ABCC4: variants seen among roughly 807,000 people sequenced by gnomAD.
ABCC4 encodes ATP binding cassette subfamily C member 4 (PEL blood group).
A neutral mutation model predicts 168.5 loss-of-function variants in ABCC4; 102 were observed. The observed-to-expected ratio is 0.61, with a 90% CI of 0.52 to 0.71. ABCC4 has a LOEUF of 0.71. Among genes scored for constraint, ABCC4 ranks in the 30% least tolerant of loss-of-function variants. The pLI is 0.00. For synonymous variants in ABCC4, 617 were observed against 590.7 expected, an observed-to-expected ratio of 1.04 and a Z score of -0.65; for missense variants, 1,402 against 1,605.8, an observed-to-expected ratio of 0.87 and a Z score of 2.17.
chr13:95,133,675 T>A (rs939944644), intron 19 of ABCC4, among the ~76,000 whole-genome samples: 2 of 151,842 alleles, frequency 1.3e-5, no homozygotes, highest in East Asian at 1.9e-4. Flanking sequence ...ACTCTCCTTG[T>A]AGGATAAGGA....
chr13:95,098,668 T>C (rs944915868), intron 20 of ABCC4, among the ~76,000 whole-genome samples: 2 of 152,190 alleles, frequency 1.3e-5, no homozygotes, highest in African/African-American at 2.4e-5. Flanking sequence ...AATACACTTA[T>C]GTATATTAAA....
At chr13:95,230,251 T>C (rs938154417) in intron 4 of ABCC4, among the ~76,000 whole-genome samples, 13 of 152,180 alleles carry the variant, frequency 8.5e-5, no homozygotes, top group Non-Finnish European at 1.5e-5. Flanking sequence ...CCATGAACCA[T>C]TTCAACAGAC....
Position 95,126,720 on chromosome 13 carries a change from AATATATATATATATAT to A in ABCC4, c.2456-10735_2456-10720del, listed in dbSNP as rs71111594. Among the ~76,000 whole-genome samples the A allele has an allele frequency of 1.8e-4, 15 of 81,670 alleles. 1 individual carries two copies. The highest frequency in any genetic ancestry group is 6.9e-4 in the African/African-American group (12 of 17,346). The allele number at this position is 81,670 out of a possible 152,430, so 53.6% of individuals were successfully genotyped here. ...ATAAAAATGCATGAACTTTTTTTGGAATATATATATATATATATATATATATATATATATTCCAAAA... is the reference window on the plus strand; with the variant it reads ...ATAAAAATGCATGAACTTTTTTTGGAATATATATATATATATATTCCAAAA... On this transcript the variant is annotated intron_variant, in intron 19 of 30. Transcript: ENST00000645237.
chr13:95,277,179 T>C (rs1279783645), intron 1 of ABCC4, among the ~76,000 whole-genome samples: 1 of 152,116 alleles, frequency 6.6e-6, no homozygotes, highest in Non-Finnish European at 1.5e-5. Flanking sequence ...ACAGGCACTC[T>C]TATAGGTTCT....
At chr13:95,084,684 G>A (rs935888770) in intron 20 of ABCC4, among the ~76,000 whole-genome samples, 3 of 151,906 alleles carry the variant, frequency 2.0e-5, no homozygotes, top group South Asian at 2.1e-4. Context: ...AATTTTCCAC[G>A]ATTAGGAGAG....
At chr13:95,101,572 A>G (rs568126357) in intron 20 of ABCC4, among the ~76,000 whole-genome samples, 3 of 152,322 alleles carry the variant, frequency 2.0e-5, no homozygotes, top group Admixed American at 1.3e-4. Context: ...AAGACTTCTT[A>G]GAGGCAAAGA....
chr13:95,083,144 A>T lies in ABCC4; in HGVS notation c.2682T>A (p.Ser894=). 1 of 1,613,936 alleles carries T rather than the reference A, an allele frequency of 6.2e-7. No homozygotes were observed. The highest frequency in any genetic ancestry group is 8.5e-7 in the Non-Finnish European group (1 of 1,179,892). Residue 894 remains serine, a synonymous_variant, in exon 21 of 31, where the codon TCT becomes TCA. Transcript: ENST00000645237. ...ETSRDVKRLE[S]TTRSPVFSHL... is the part of the protein sequence containing the mutation. Reference sequence around the variant, plus strand: ...AACCCGAGTTTCCATACTCACTTGTAGATTCCAGGCGCTTCACATCTCTTG... The same window carrying T: ...AACCCGAGTTTCCATACTCACTTGTTGATTCCAGGCGCTTCACATCTCTTG...
chr13:95,291,991 C>G (rs549432451), intron 1 of ABCC4, among the ~76,000 whole-genome samples: 1 of 152,288 alleles, frequency 6.6e-6, no homozygotes, highest in African/African-American at 2.4e-5. Context: ...GCCCCAAACT[C>G]ATGACCAATT....
In ABCC4 at chr13:95,273,816, G is replaced by GGT. The variant is rs1555340101; in HGVS notation, c.75-26064_75-26063insAC. 1.4e-3 allele frequency among the ~76,000 whole-genome samples: 141 copies of GGT among 98,564 alleles called. 7 individuals carry two copies. The highest frequency in any genetic ancestry group is 2.1e-3 in the Non-Finnish European group (96 of 46,190). The allele number at this position is 98,564 out of a possible 152,430, so 64.7% of individuals were successfully genotyped here. A position where few individuals can be genotyped will look rare whatever the true frequency, so the allele number is the denominator to read the frequency against. On this transcript the variant is annotated intron_variant, in intron 1 of 30. Transcript: ENST00000645237. ...ATCTGATGGGTTTTTTTTTTGGTTT[G>GGT]TTTTTTTTTTTTTTTTTTTGAGACG...
intron 4 of ABCC4, among the ~76,000 whole-genome samples, chr13:95,226,253 T>A (rs532643626): frequency 1.4e-4 from 22 of 151,934 alleles, no homozygotes; most frequent in African/African-American, 5.1e-4. Flanking sequence ...CTAAAGTCAA[T>A]ATGAAAATGC....
intron 20 of ABCC4, among the ~76,000 whole-genome samples, chr13:95,089,947 A>C (rs1160674517): frequency 4.0e-5 from 6 of 151,656 alleles, no homozygotes. Context: ...ACTAGATTGC[A>C]GCTCTGACTC....
In ABCC4 at chr13:95,177,803, A is replaced by G. The variant is rs2037757372; in HGVS notation, c.1641-10T>C. On this transcript the variant is annotated splice_polypyrimidine_tract_variant and intron_variant, in intron 12 of 30. Transcript: ENST00000645237. ...ATCTTGATACACTGCTCTAGAAAAT[A>G]CAAAGAGGTATCAGACTCTCACCCA... 3 of 1,603,056 alleles carry G rather than the reference A, an allele frequency of 1.9e-6. No individual in the cohort carries two copies. In the East Asian group the frequency reaches 6.7e-5, roughly 36 times the overall value.
At chr13:95,202,742 G>A (rs548783051) in intron 8 of ABCC4, among the ~76,000 whole-genome samples, 3 of 140,684 alleles carry the variant, frequency 2.1e-5, no homozygotes, top group East Asian at 2.1e-4. Context: ...TCCACCTCCC[G>A]GGTTCAAGCA....
chr13:95,066,409 G>A (rs928980368), intron 25 of ABCC4, among the ~76,000 whole-genome samples: 4 of 150,606 alleles, frequency 2.7e-5, no homozygotes, highest in African/African-American at 7.5e-5. Flanking sequence ...TCTACTAGGC[G>A]ACAGGTGCTG....
chr13:95,294,729 G>C (rs994581301), intron 1 of ABCC4, among the ~76,000 whole-genome samples: 1 of 152,062 alleles, frequency 6.6e-6, no homozygotes, highest in African/African-American at 2.4e-5. Flanking sequence ...CAGGTGGGTG[G>C]ATCACCCGAG....
At chr13:95,247,150 CAG>C (rs2040128189) in intron 2 of ABCC4, 55 bp from the exon 3 acceptor site, 6 of 1,565,622 alleles carry the variant, frequency 3.8e-6, no homozygotes, top group Non-Finnish European at 5.2e-6. Flanking sequence ...CAATATAAAA[CAG>C]GGGAGATGGC....
chr13:95,043,473 G>A, intron 29 of ABCC4: 1 of 457,764 alleles, frequency 2.2e-6, no homozygotes, highest in Non-Finnish European at 3.9e-6. Flanking sequence ...TATGATTTTT[G>A]CATATGATTA....
intron 20 of ABCC4, among the ~76,000 whole-genome samples, chr13:95,115,502 C>CAAAA (rs4148521): frequency 1.4e-5 from 2 of 141,116 alleles, no homozygotes; most frequent in African/African-American, 2.6e-5. Flanking sequence ...TGGTTCTATC[C>CAAAA]AAAAAAAAAA....
intron 16 of ABCC4, among the ~76,000 whole-genome samples, chr13:95,164,054 A>AG (rs1416943535): frequency 5.3e-4 from 74 of 139,032 alleles, no homozygotes; most frequent in Middle Eastern, 4.0e-3. Flanking sequence ...AAAAAAAAAA[A>AG]AAAGAAAGAA....
Sources: allele counts gnomAD v4.1 joint callset (sites outside exome capture counted in the v4.1 genomes callset), GRCh38; gene constraint gnomAD v4.1.1; transcripts MANE v1.5; gene names NCBI Gene and HGNC (gene_info 2026-07-23, HGNC 2026-07-21).